The following SSBP4 variants were observed in gnomAD, a reference collection of about 807,000 sequenced individuals.
SSBP4 encodes single stranded DNA binding protein 4, also known as single-stranded DNA-binding protein 4.
Under a neutral mutation model 64.6 loss-of-function variants are expected in SSBP4, and 33 were observed. The observed-to-expected ratio is 0.51, with a 90% CI of 0.39 to 0.68. The LOEUF is 0.68. Ranked by LOEUF, SSBP4 falls within the 30% of genes least tolerant of loss-of-function variation. SSBP4 has a pLI of 0.00. For missense variants in SSBP4, 583 were observed against 566.8 expected (o/e 1.03, Z -0.29); for synonymous variants, 243 against 224.0 (o/e 1.08, Z -0.76).
At chr19:18,431,301 C>A in intron 5 of SSBP4, 52 bp from the exon 6 acceptor site, 2 of 634,864 alleles carry the variant, frequency 3.2e-6, no homozygotes, top group Admixed American at 3.0e-5. Context: ...CCTCCTCAGC[C>A]AAACCCAGTA....
the SSBP4 span, among the ~76,000 whole-genome samples, chr19:18,405,148 G>C: frequency 3.3e-5 from 5 of 152,140 alleles, no homozygotes; most frequent in African/African-American, 1.2e-4. Flanking sequence ...GCCTCAGCCT[G>C]GGTGCTGCCC....
At position 18,434,056 on chromosome 19, in the gene SSBP4, G is replaced by C. The variant is rs367733241; in HGVS notation, c.1129-161G>C. 5.3e-4 allele frequency: 591 copies of C among 1,120,182 alleles called. 8 individuals carry two copies. In the African/African-American group the frequency reaches 8.1e-3, roughly 15 times the overall value. The allele number at this position is 1,120,182 out of a possible 1,614,324, so 69.4% of individuals were successfully genotyped here. A position where few individuals can be genotyped will look rare whatever the true frequency, so the allele number is the denominator to read the frequency against. ...CACCCCGGGACCCGCGCCCCAGGGC[G>C]GCCTTCCCATGCATCGCCCCTCCCC... On this transcript the variant is annotated intron_variant, in intron 17 of 17. Transcript: ENST00000270061.
chr19:18,412,282 G>A, the SSBP4 span, among the ~76,000 whole-genome samples: 1 of 151,830 alleles, frequency 6.6e-6, no homozygotes, highest in Non-Finnish European at 1.5e-5. Context: ...CCAAGATGGT[G>A]AAACGCCGTC....
In SSBP4 at chr19:18,434,201, C is replaced by T. The variant is rs1427163427; in HGVS notation, c.1129-16C>T. 4.3e-6 allele frequency: 7 copies of T among 1,611,490 alleles called. No homozygotes were observed. Among genetic ancestry groups the T allele is most frequent in the Non-Finnish European group, 5.9e-6 (7 of 1,179,388 alleles). ...TGAACTCGGCCCCTGCGCGCTGCCC[C>T]CTCCTCTCTCCGCAGTACTCGCCAG... On this transcript the variant is annotated splice_polypyrimidine_tract_variant and intron_variant, in intron 17 of 17. Coordinates refer to ENST00000270061, the MANE Select transcript of SSBP4 (RefSeq NM_032627.5).
chr19:18,412,423 G>A, the SSBP4 span, among the ~76,000 whole-genome samples: 3 of 142,792 alleles, frequency 2.1e-5, no homozygotes, highest in East Asian at 2.0e-4. Flanking sequence ...ATCGCACCAC[G>A]GCACTCCAGC....
intron 1 of SSBP4, among the ~76,000 whole-genome samples, chr19:18,421,200 G>C (rs1972442439): frequency 6.6e-6 from 1 of 152,248 alleles, no homozygotes; most frequent in African/African-American, 2.4e-5. Flanking sequence ...TCATTTTGGA[G>C]AAGAGGCTCT....
At chr19:18,419,986 GTCGCGAGA>G (rs923020251) in intron 1 of SSBP4, 11 of 176,212 alleles carry the variant, frequency 6.2e-5, no homozygotes, top group Non-Finnish European at 1.2e-4. Flanking sequence ...GGCTCCAGGG[GTCGCGAGA>G]TTGGCGGGGG....
chr19:18,430,881 C>T lies in SSBP4; in HGVS notation c.320C>T (p.Ala107Val). The change falls in exon 5 of 18, where the codon GCC becomes GTC. Residue 107 changes from alanine to valine, a missense_variant. Transcript: ENST00000270061. ...AAPSPVMGSM[A>V]PGDTMAAGSM... Reference sequence around the variant, plus strand: ...CCCAGCCCCGTTATGGGGAGTATGGCCCCAGGTGACACAATGGCCGCAGGC... The same window carrying T: ...CCCAGCCCCGTTATGGGGAGTATGGTCCCAGGTGACACAATGGCCGCAGGC... The T allele has an allele frequency of 6.2e-7, 1 of 1,613,348 alleles. No homozygotes were observed. Among genetic ancestry groups the T allele is most frequent in the Non-Finnish European group, 8.5e-7 (1 of 1,179,894 alleles).
Position 18,434,422 on chromosome 19 carries a change from C to A in SSBP4, c.*176C>A. ...CATTTTATTAAAAACGCAAGGACCT[C>A]AGAGACGTTCTTTTCTGTATGGACC... On this transcript the variant is annotated 3_prime_UTR_variant, in exon 18 of 18. Coordinates refer to ENST00000270061, the MANE Select transcript of SSBP4 (RefSeq NM_032627.5). The A allele has an allele frequency of 8.3e-7, 1 of 1,207,640 alleles. No homozygotes were observed. The highest frequency in any genetic ancestry group is 1.1e-6 in the Non-Finnish European group (1 of 910,802). 74.8% of individuals were successfully genotyped at this position (1,207,640 alleles called of 1,614,324 possible). A position where few individuals can be genotyped will look rare whatever the true frequency, so the allele number is the denominator to read the frequency against.
At chr19:18,405,322 C>T in the SSBP4 span, among the ~76,000 whole-genome samples, 1 of 152,230 alleles carries the variant, frequency 6.6e-6, no homozygotes, top group East Asian at 1.9e-4. Flanking sequence ...TCTGCCACCT[C>T]CATCCTCTCT....
At chr19:18,418,179 G>T, upstream of SSBP4, among the ~76,000 whole-genome samples, 1 of 152,160 alleles carries the variant, frequency 6.6e-6, no homozygotes, top group Middle Eastern at 3.2e-3. The surrounding 1 kb of genome is among the most constrained non-coding windows in gnomAD (Gnocchi z 6.7). Flanking sequence ...TTGGGTGTTT[G>T]CCCGCCCCCC....
At chr19:18,411,972 T>A in the SSBP4 span, among the ~76,000 whole-genome samples, 1 of 151,920 alleles carries the variant, frequency 6.6e-6, no homozygotes, top group South Asian at 2.1e-4. Context: ...GAGACCAACC[T>A]GGGAAACAAA....
At chr19:18,415,249 T>G (rs994054630), upstream of SSBP4, among the ~76,000 whole-genome samples, 52 of 152,300 alleles carry the variant, frequency 3.4e-4, no homozygotes, top group Non-Finnish European at 6.6e-4. Context: ...CACGCACGGC[T>G]GGGGAGGGGT....
chr19:18,430,020 C>G (rs1394394896), intron 4 of SSBP4, among the ~76,000 whole-genome samples: 1 of 152,200 alleles, frequency 6.6e-6, no homozygotes, highest in African/African-American at 2.4e-5. Flanking sequence ...GCCCAAGTGG[C>G]TGTAGTTCAT....
chr19:18,433,634 C>T, intron 16 of SSBP4, 21 bp downstream of exon 16: 2 of 1,022,044 alleles, frequency 2.0e-6, no homozygotes, highest in East Asian at 1.2e-4. Flanking sequence ...TGCGCTCTTG[C>T]CGGGGGTGGG....
At chr19:18,407,021 T>G in the SSBP4 span, among the ~76,000 whole-genome samples, 1 of 152,022 alleles carries the variant, frequency 6.6e-6, no homozygotes, top group South Asian at 2.1e-4. Flanking sequence ...TGTATTTTTA[T>G]ATTTTTTATT....
At chr19:18,405,885 G>A in the SSBP4 span, among the ~76,000 whole-genome samples, 9 of 151,996 alleles carry the variant, frequency 5.9e-5, no homozygotes, top group South Asian at 2.1e-4. Context: ...CAGCTACTCC[G>A]GAGGCTGAGG....
chr19:18,409,429 T>G, the SSBP4 span, among the ~76,000 whole-genome samples: 1 of 151,996 alleles, frequency 6.6e-6, no homozygotes, highest in Non-Finnish European at 1.5e-5. Flanking sequence ...TCAGGCAATC[T>G]GTTTGCCTCG....
intron 4 of SSBP4, 69 bp downstream of exon 4, chr19:18,428,051 T>TGGGGTGGGGGTGGG: frequency 2.0e-6 from 1 of 496,564 alleles, no homozygotes; most frequent in Non-Finnish European, 3.1e-6. Flanking sequence ...GCTGGGGAGG[T>TGGGGTGGGGGTGGG]GGGGTGGGGG....
Sources: allele counts gnomAD v4.1 joint callset (sites outside exome capture counted in the v4.1 genomes callset), GRCh38; gene constraint gnomAD v4.1.1; non-coding constraint Gnocchi (gnomAD v3.1); transcripts MANE v1.5; gene names NCBI Gene and HGNC (gene_info 2026-07-23, HGNC 2026-07-21).